The following CELF2 variants were observed in gnomAD, a reference collection of about 807,000 sequenced individuals.
CELF2 encodes the protein CUG triplet repeat RNA-binding protein 2.
Under a neutral mutation model 62.6 loss-of-function variants are expected in CELF2, and 8 were observed. The observed-to-expected ratio is 0.13, with a 90% CI of 0.07 to 0.23. CELF2 has a LOEUF of 0.23. Among genes scored for constraint, CELF2 ranks in the 10% least tolerant of loss-of-function variants. The probability of loss-of-function intolerance (pLI) is 1.00; values close to 1 mark genes in which losing one functional copy is unlikely to be tolerated. For synonymous variants in CELF2, 258 were observed against 250.0 expected, an observed-to-expected ratio of 1.03 and a Z score of -0.30; for missense variants, 333 against 671.0, an observed-to-expected ratio of 0.50 and a Z score of 5.56.
the CELF2 span, among the ~76,000 whole-genome samples, chr10:10,537,833 G>A: frequency 3.0e-4 from 45 of 152,166 alleles, no homozygotes; most frequent in Admixed American, 3.3e-4. Context: ...AACATTACAG[G>A]TGCATAATCG....
At chr10:11,000,793 T>C (rs184180796), upstream of CELF2, among the ~76,000 whole-genome samples, 217 of 152,354 alleles carry the variant, frequency 1.4e-3, 1 homozygote, top group South Asian at 5.8e-3. Flanking sequence ...GGGTCTTTTA[T>C]GCTTTGGAAG....
At chr10:10,708,311 GA>G in the CELF2 span, among the ~76,000 whole-genome samples, 1 of 152,168 alleles carries the variant, frequency 6.6e-6, no homozygotes, top group African/African-American at 2.4e-5. Context: ...AGAGGAAATT[GA>G]GACCCAAGAA....
intron 5 of CELF2, among the ~76,000 whole-genome samples, chr10:11,263,107 C>T (rs2081214488): frequency 6.6e-6 from 1 of 152,044 alleles, no homozygotes; most frequent in African/African-American, 2.4e-5. Context: ...GACAGGGCTA[C>T]GTGCTTTCCT....
At position 11,031,244 on chromosome 10, in the gene CELF2, T is replaced by C. The variant is rs116989120; in HGVS notation, c.74+13081T>C. Among the ~76,000 whole-genome samples the C allele has an allele frequency of 2.4e-3, 371 of 152,276 alleles. 1 individual carries two copies. In the Middle Eastern group the frequency reaches 0.031, roughly 13 times the overall value. On this transcript the variant is annotated intron_variant, in intron 1 of 12. Transcript: ENST00000633077. ...AGTAACATCCGTTTTTACTCCCTCC[T>C]CCTTAAGTAGGCCTCGTAAGTAGGC...
upstream of CELF2, among the ~76,000 whole-genome samples, chr10:11,014,267 T>C (rs570994059): frequency 1.9e-4 from 29 of 152,368 alleles, no homozygotes; most frequent in African/African-American, 6.7e-4. Flanking sequence ...GACTGAACAA[T>C]GCTAGCACAT....
intron 11 of CELF2, among the ~76,000 whole-genome samples, chr10:11,323,921 CTTTT>C (rs35018494): frequency 2.1e-5 from 3 of 146,184 alleles, no homozygotes; most frequent in Non-Finnish European, 3.0e-5. Context: ...CATATGAAAT[CTTTT>C]TTTTTTTTTC....
intron 1 of CELF2, among the ~76,000 whole-genome samples, chr10:11,123,194 T>C (rs1024996201): frequency 6.6e-6 from 1 of 152,184 alleles, no homozygotes; most frequent in Non-Finnish European, 1.5e-5. Context: ...AAGTCCTTGC[T>C]TACAAGCACA....
chr10:10,757,917 G>A, the CELF2 span, among the ~76,000 whole-genome samples: 2 of 151,934 alleles, frequency 1.3e-5, no homozygotes, highest in East Asian at 1.9e-4. Flanking sequence ...TGTAAACTAG[G>A]CCCCTATGGA....
the CELF2 span, among the ~76,000 whole-genome samples, chr10:10,639,820 G>C: frequency 8.2e-3 from 1,250 of 152,172 alleles, 12 homozygotes; most frequent in Middle Eastern, 0.014. Context: ...AAGCAAACAA[G>C]ACTCACTAGG....
At chr10:10,482,903 C>T in the CELF2 span, among the ~76,000 whole-genome samples, 4 of 152,138 alleles carry the variant, frequency 2.6e-5, no homozygotes, top group Non-Finnish European at 5.9e-5. Context: ...TCAGAGCTCA[C>T]TGAAATTATT....
Position 10,997,266 on chromosome 10 carries a change from C to T in CELF2, c.89+77267C>T, listed in dbSNP as rs534013578. ...AGTGATGCAAGCCTTTGTGCCACTG[C>T]ACTCTAGCCTGAGCAACAGAGCAAG... On this transcript the variant is annotated intron_variant, in intron 2 of 13. Coordinates refer to the CELF2 transcript ENST00000636488. This position sits in a 1 kb window ranked among gnomAD's most constrained non-coding sequence, Gnocchi z 5.3. 1.3e-5 allele frequency among the ~76,000 whole-genome samples: 2 copies of T among 152,322 alleles called. No individual in the cohort carries two copies. The highest frequency in any genetic ancestry group is 2.1e-4 in the South Asian group (1 of 4,832).
At chr10:10,864,998 T>C (rs919469162) in intron 1 of CELF2, among the ~76,000 whole-genome samples, 1 of 152,230 alleles carries the variant, frequency 6.6e-6, no homozygotes, top group Non-Finnish European at 1.5e-5. Flanking sequence ...GTGGTGTTGT[T>C]TGGATGCAGC....
chr10:11,150,306 G>A (rs548385210), intron 1 of CELF2, among the ~76,000 whole-genome samples: 7 of 152,208 alleles, frequency 4.6e-5, no homozygotes, highest in East Asian at 3.9e-4. Flanking sequence ...ACTTTGTGAC[G>A]CCCCTCCCAG....
At chr10:10,792,541 CA>C in the CELF2 span, 104 of 397,184 alleles carry the variant, frequency 2.6e-4, no homozygotes, top group Non-Finnish European at 2.8e-4. Context: ...TGTAAGCACA[CA>C]AAAACCAGAA....
chr10:10,607,859 G>A, the CELF2 span, among the ~76,000 whole-genome samples: 3 of 152,192 alleles, frequency 2.0e-5, no homozygotes, highest in Non-Finnish European at 4.4e-5. Context: ...GGGAGGCAGA[G>A]GCAGGAGAAT....
intron 1 of CELF2, among the ~76,000 whole-genome samples, chr10:11,087,202 A>G (rs1455344313): frequency 6.6e-6 from 1 of 152,200 alleles, no homozygotes; most frequent in Non-Finnish European, 1.5e-5. Flanking sequence ...GGGTTTATGG[A>G]CGACCCCAGG....
chr10:10,812,349 C>T (rs2055993742), intron 1 of CELF2, among the ~76,000 whole-genome samples: 1 of 152,128 alleles, frequency 6.6e-6, no homozygotes. Context: ...TCAATTATCT[C>T]CCACTGAGTC....
At chr10:10,566,265 C>T in the CELF2 span, among the ~76,000 whole-genome samples, 1 of 151,888 alleles carries the variant, frequency 6.6e-6, no homozygotes, top group Non-Finnish European at 1.5e-5. Context: ...AGGACCTCAG[C>T]ACTTTGCAGG....
At chr10:10,527,986 A>C in the CELF2 span, among the ~76,000 whole-genome samples, 1 of 152,172 alleles carries the variant, frequency 6.6e-6, no homozygotes, top group Admixed American at 6.5e-5. Flanking sequence ...CAGTCCTCAG[A>C]GCGTTTAAAT....
Sources: gnomAD v4.1 joint callset for allele counts (sites outside exome capture counted in the v4.1 genomes callset) on GRCh38, gnomAD v4.1.1 for gene constraint, Gnocchi (gnomAD v3.1) non-coding constraint, MANE v1.5 for transcripts, NCBI Gene and HGNC (gene_info 2026-07-23, HGNC 2026-07-21) for gene names.